SEMA6D: variants seen among roughly 807,000 people sequenced by gnomAD.
The protein encoded by SEMA6D is semaphorin-6D.
A neutral mutation model predicts 106.6 loss-of-function variants in SEMA6D; 35 were observed. The ratio of observed to expected loss-of-function variants is 0.33; its 90% CI spans 0.25 to 0.44. The LOEUF is 0.44. SEMA6D is among the 20% of genes least tolerant of loss of function. The pLI is 1.00. For synonymous variants in SEMA6D, 499 were observed against 487.7 expected (o/e 1.02, Z -0.31); for missense variants, 1,185 against 1,345.9 (o/e 0.88, Z 1.87).
At chr15:47,352,817 T>C (rs967637969) in intron 1 of SEMA6D, among the ~76,000 whole-genome samples, 2 of 152,338 alleles carry the variant, frequency 1.3e-5, no homozygotes, top group East Asian at 3.9e-4. Context: ...GGATATATTA[T>C]GCTAATAGAC....
chr15:47,321,356 T>C (rs2036914714), intron 1 of SEMA6D, among the ~76,000 whole-genome samples: 1 of 152,218 alleles, frequency 6.6e-6, no homozygotes, highest in Admixed American at 6.5e-5. Context: ...TTGGACACTT[T>C]AGATATAGAT....
chr15:47,226,792 C>T (rs568995602), intron 1 of SEMA6D, among the ~76,000 whole-genome samples: 12 of 152,228 alleles, frequency 7.9e-5, no homozygotes, highest in African/African-American at 2.9e-4. Context: ...CAGCTGTAGA[C>T]TTTGCCCTGT....
chr15:47,189,683 TCTTGA>T (rs1893830060), intron 1 of SEMA6D, among the ~76,000 whole-genome samples: 3 of 152,198 alleles, frequency 2.0e-5, no homozygotes, highest in African/African-American at 7.2e-5. Flanking sequence ...TTTCCAGACA[TCTTGA>T]TTACAGTTAA....
At chr15:47,348,673 TCACACACACACACA>T (rs71118173) in intron 1 of SEMA6D, among the ~76,000 whole-genome samples, 26 of 105,016 alleles carry the variant, frequency 2.5e-4, no homozygotes, top group East Asian at 5.4e-4. Context: ...CAAGAGTACA[TCACACACACACACA>T]CACACACACA....
At chr15:47,397,506 T>G (rs1286820450) in intron 1 of SEMA6D, 1 of 151,034 alleles carries the variant, frequency 6.6e-6, no homozygotes, top group Non-Finnish European at 1.5e-5. Flanking sequence ...AAGCAACTAG[T>G]TATTCAAGAG....
intron 1 of SEMA6D, among the ~76,000 whole-genome samples, chr15:47,372,282 C>T (rs1184412691): frequency 6.6e-6 from 1 of 152,254 alleles, no homozygotes; most frequent in African/African-American, 2.4e-5. Flanking sequence ...GTTGGCACCA[C>T]TCCCAAGCCT....
chr15:47,405,548 G>A (rs2040533925), intron 1 of SEMA6D, among the ~76,000 whole-genome samples: 1 of 152,176 alleles, frequency 6.6e-6, no homozygotes, highest in Non-Finnish European at 1.5e-5. Flanking sequence ...CTGTATACCA[G>A]CCTATAAAAT....
At position 47,292,042 on chromosome 15, in the gene SEMA6D, A is replaced by G. The variant is rs1284437438; in HGVS notation, c.-239+107624A>G. 3.3e-5 allele frequency among the ~76,000 whole-genome samples: 5 copies of G among 152,348 alleles called. No homozygotes were observed. The East Asian group carries it at 9.6e-4, about 29-fold the overall frequency. On this transcript the variant is annotated intron_variant, in intron 1 of 19. Transcript: ENST00000558014. ...CTTCTCAGGAAATCTCTTTTCTCCA[A>G]TGTAGGAAGAACACATTAAAATGAA...
At chr15:47,766,502 T>TC (rs2082349036) in intron 15 of SEMA6D, 114 bp from the exon 16 acceptor site, 1 of 867,952 alleles carries the variant, frequency 1.2e-6, no homozygotes, top group African/African-American at 1.7e-5. Context: ...TTTTTTTTTT[T>TC]CTCTCTCTGC....
intron 2 of SEMA6D, among the ~76,000 whole-genome samples, chr15:47,418,997 A>G (rs1365076121): frequency 6.6e-6 from 1 of 152,170 alleles, no homozygotes; most frequent in Non-Finnish European, 1.5e-5. Flanking sequence ...TCACCAAGAT[A>G]AAAAGGAGCT....
intron 1 of SEMA6D, among the ~76,000 whole-genome samples, chr15:47,293,923 A>G (rs563137764): frequency 6.6e-6 from 1 of 152,318 alleles, no homozygotes; most frequent in East Asian, 1.9e-4. Flanking sequence ...GAGCTTTGTC[A>G]GTCCAAAAAA....
Position 47,299,964 on chromosome 15 carries a change from C to A in SEMA6D, c.-238-112429C>A, listed in dbSNP as rs575348913. 1.8e-4 allele frequency among the ~76,000 whole-genome samples: 28 copies of A among 152,276 alleles called. 1 individual carries two copies. The highest frequency in any genetic ancestry group is 1.6e-3 in the Admixed American group (24 of 15,296). ...AACCCTAGCAATTGTACAGAGGAGCCAGTCTCCTCAGCTAATGACTGTGGG... is the reference window on the plus strand; with the variant it reads ...AACCCTAGCAATTGTACAGAGGAGCAAGTCTCCTCAGCTAATGACTGTGGG... On this transcript the variant is annotated intron_variant, in intron 1 of 19. Transcript: ENST00000558014.
chr15:47,449,041 C>A (rs530623844), intron 2 of SEMA6D, among the ~76,000 whole-genome samples: 1 of 152,158 alleles, frequency 6.6e-6, no homozygotes, highest in East Asian at 1.9e-4. Context: ...GACTTTGACA[C>A]CCTCCTACGC....
At chr15:47,451,448 A>G (rs1405329335) in intron 2 of SEMA6D, among the ~76,000 whole-genome samples, 3 of 151,996 alleles carry the variant, frequency 2.0e-5, no homozygotes, top group African/African-American at 7.2e-5. Context: ...TCCCAATACT[A>G]CAGAGCCCTA....
chr15:47,570,224 C>T (rs2046345938), intron 3 of SEMA6D, among the ~76,000 whole-genome samples: 1 of 152,150 alleles, frequency 6.6e-6, no homozygotes, highest in African/African-American at 2.4e-5. Flanking sequence ...CTGACTGCCC[C>T]AGCAATCTTT....
At chr15:47,276,353 A>G (rs1361368375) in intron 1 of SEMA6D, among the ~76,000 whole-genome samples, 1 of 152,134 alleles carries the variant, frequency 6.6e-6, no homozygotes, top group Admixed American at 6.6e-5. Context: ...GGATTTTCAT[A>G]GCTAGAGAGG....
At chr15:47,187,710 G>C (rs1893673546) in intron 1 of SEMA6D, among the ~76,000 whole-genome samples, 1 of 151,734 alleles carries the variant, frequency 6.6e-6, no homozygotes, top group South Asian at 2.1e-4. Context: ...TACTATGTTG[G>C]GTCTGACTCT....
At position 47,433,557 on chromosome 15, in the gene SEMA6D, A is replaced by T. The variant is rs546312915; in HGVS notation, c.-159+21085A>T. Among the ~76,000 whole-genome samples, 4 of 152,218 alleles carry T rather than the reference A, an allele frequency of 2.6e-5. No individual in the cohort carries two copies. The East Asian group carries it at 7.8e-4, about 29-fold the overall frequency. Reference sequence around the variant, plus strand: ...CCCTTGTAGAGATGTTTATGTGACTATTACATTTAATTTATTTTTTGCTTT... The same window carrying T: ...CCCTTGTAGAGATGTTTATGTGACTTTTACATTTAATTTATTTTTTGCTTT... On this transcript the variant is annotated intron_variant, in intron 2 of 19. Transcript: ENST00000558014.
chr15:47,506,614 A>T (rs8042974), intron 3 of SEMA6D, among the ~76,000 whole-genome samples: 1 of 143,132 alleles, frequency 7.0e-6, no homozygotes, highest in African/African-American at 3.0e-5. Flanking sequence ...ACACACACAC[A>T]CACACACACA....
Sources: allele counts gnomAD v4.1 joint callset (sites outside exome capture counted in the v4.1 genomes callset), GRCh38; gene constraint gnomAD v4.1.1; transcripts MANE v1.5; gene names NCBI Gene and HGNC (gene_info 2026-07-23, HGNC 2026-07-21).